The following GLIS1 variants were observed in gnomAD, a reference collection of about 807,000 sequenced individuals.
The protein encoded by GLIS1 is zinc finger protein GLIS1.
A neutral mutation model predicts 63.8 loss-of-function variants in GLIS1; 24 were observed. The observed-to-expected ratio is 0.38, with a 90% CI of 0.27 to 0.53. GLIS1 has a LOEUF of 0.53. Among genes scored for constraint, GLIS1 ranks in the 20% least tolerant of loss-of-function variants. GLIS1 has a pLI of 0.85. For synonymous variants in GLIS1, 450 were observed against 482.5 expected (o/e 0.93, Z 0.88); for missense variants, 1,036 against 1,074.1 (o/e 0.96, Z 0.50).
At chr1:53,713,905 G>C (rs974245286) in intron 2 of GLIS1, among the ~76,000 whole-genome samples, 10 of 152,250 alleles carry the variant, frequency 6.6e-5, no homozygotes, top group Admixed American at 2.0e-4. Context: ...AGCTAATCCA[G>C]AGGGTATAGA....
chr1:53,583,026 T>C (rs1207588242), intron 4 of GLIS1, among the ~76,000 whole-genome samples: 1 of 152,204 alleles, frequency 6.6e-6, no homozygotes, highest in Non-Finnish European at 1.5e-5. Flanking sequence ...TGATCAGAAA[T>C]GACCCCGTAA....
intron 2 of GLIS1, among the ~76,000 whole-genome samples, chr1:53,664,354 G>A (rs1646065167): frequency 6.6e-6 from 1 of 152,180 alleles, no homozygotes; most frequent in Admixed American, 6.5e-5. Context: ...ATGTACTGCT[G>A]ATTATTGTCC....
At chr1:53,664,247 C>T (rs1490626991) in intron 2 of GLIS1, among the ~76,000 whole-genome samples, 1 of 152,142 alleles carries the variant, frequency 6.6e-6, no homozygotes, top group African/African-American at 2.4e-5. Context: ...CCACACTGCA[C>T]CTGCTGGCCC....
At chr1:53,703,302 T>C (rs1646543802) in intron 2 of GLIS1, among the ~76,000 whole-genome samples, 1 of 152,168 alleles carries the variant, frequency 6.6e-6, no homozygotes, top group Non-Finnish European at 1.5e-5. Context: ...GACTCATACA[T>C]GGGGCACCTG....
At chr1:53,632,528 GCATGTGAATGTGACTGAGGGA>G (rs1347362191) in intron 2 of GLIS1, among the ~76,000 whole-genome samples, 2 of 149,020 alleles carry the variant, frequency 1.3e-5, no homozygotes, top group African/African-American at 5.0e-5. Context: ...TGTGTGACGG[GCATGTGAATGTGACTGAGGGA>G]CATGTGAATG....
At chr1:53,738,129 C>A in intron 1 of GLIS1, 23 bp from the exon 2 acceptor site, 1 of 1,203,652 alleles carries the variant, frequency 8.3e-7, no homozygotes, top group Non-Finnish European at 1.0e-6. Context: ...GACAGCACAG[C>A]CAGTTAGAAT....
chr1:53,557,870 T>C (rs755413627), intron 4 of GLIS1, among the ~76,000 whole-genome samples: 24 of 152,266 alleles, frequency 1.6e-4, no homozygotes, highest in Non-Finnish European at 2.9e-4. Context: ...CCATTCCATA[T>C]GCCCCTCTGA....
intron 2 of GLIS1, among the ~76,000 whole-genome samples, chr1:53,655,046 G>A (rs564636353): frequency 2.0e-5 from 3 of 152,254 alleles, no homozygotes; most frequent in South Asian, 4.1e-4. Flanking sequence ...AGCAGGTGAC[G>A]GGGCCTAGTG....
At chr1:53,731,376 G>C (rs989728246) in intron 2 of GLIS1, among the ~76,000 whole-genome samples, 1 of 152,212 alleles carries the variant, frequency 6.6e-6, no homozygotes, top group African/African-American at 2.4e-5. Flanking sequence ...CTGAGAAAGG[G>C]GTGCTCTGGG....
intron 2 of GLIS1, among the ~76,000 whole-genome samples, chr1:53,710,487 G>A (rs895186871): frequency 2.0e-5 from 3 of 152,248 alleles, no homozygotes; most frequent in Non-Finnish European, 4.4e-5. Context: ...CCAAGGTCAC[G>A]CAGTGAGAGG....
At chr1:53,585,454 G>T (rs986519364) in intron 4 of GLIS1, among the ~76,000 whole-genome samples, 4 of 151,042 alleles carry the variant, frequency 2.6e-5, no homozygotes, top group Non-Finnish European at 5.9e-5. Flanking sequence ...TTAGCCATTG[G>T]TCCACCCTGG....
rs186865687 is a variant in GLIS1, at chr1:53,697,408, A to G, written c.259+40398T>C. On this transcript the variant is annotated intron_variant, in intron 2 of 10. Transcript: ENST00000628545. ...CAGTTCCTCCCCACCGTTCTGCCTA[A>G]GGGACCTCTCTTCACCCTTCAAAGC... 2.2e-3 allele frequency among the ~76,000 whole-genome samples: 339 copies of G among 152,256 alleles called. 2 individuals carry two copies. Among genetic ancestry groups the G allele is most frequent in the Middle Eastern group, 0.014 (4 of 294 alleles).
At chr1:53,633,319 G>A (rs188543793) in intron 2 of GLIS1, among the ~76,000 whole-genome samples, 1 of 134,774 alleles carries the variant, frequency 7.4e-6, no homozygotes, top group Non-Finnish European at 1.6e-5. Context: ...GTGACTGGGG[G>A]GCGTGTGAAT....
intron 2 of GLIS1, among the ~76,000 whole-genome samples, chr1:53,648,967 T>A (rs991528577): frequency 6.6e-6 from 1 of 152,254 alleles, no homozygotes; most frequent in Non-Finnish European, 1.5e-5. Context: ...TACTTTTCTA[T>A]ATACAGTTGA....
chr1:53,525,544 C>G (rs1457431275), intron 5 of GLIS1, among the ~76,000 whole-genome samples: 1 of 140,432 alleles, frequency 7.1e-6, no homozygotes, highest in Admixed American at 7.1e-5. Context: ...TCCCCTCAGG[C>G]CCCCATGGCT....
chr1:53,628,136 T>G (rs2100230594), intron 2 of GLIS1, among the ~76,000 whole-genome samples: 1 of 103,304 alleles, frequency 9.7e-6, no homozygotes, highest in South Asian at 3.7e-4. Context: ...AGCCTTGCTG[T>G]GCCCTTGCTG....
intron 2 of GLIS1, among the ~76,000 whole-genome samples, chr1:53,607,338 A>G (rs1027573814): frequency 8.5e-5 from 13 of 152,276 alleles, no homozygotes; most frequent in African/African-American, 2.9e-4. Context: ...TGGCGTGATC[A>G]TAGTTCACTG....
chr1:53,515,077 ATATGTGTG>A (rs987483176), intron 7 of GLIS1, among the ~76,000 whole-genome samples: 5 of 76,364 alleles, frequency 6.5e-5, no homozygotes, highest in Non-Finnish European at 1.0e-4. Flanking sequence ...GTGTGTGTGT[ATATGTGTG>A]TGTGTGTGTG....
At chr1:53,578,294 G>A (rs1174963804) in intron 4 of GLIS1, among the ~76,000 whole-genome samples, 1 of 152,170 alleles carries the variant, frequency 6.6e-6, no homozygotes, top group Non-Finnish European at 1.5e-5. Context: ...TACCTCAGAG[G>A]GCTGACATAT....
Sources: gnomAD v4.1 joint callset for allele counts (sites outside exome capture counted in the v4.1 genomes callset) on GRCh38, gnomAD v4.1.1 for gene constraint, MANE v1.5 for transcripts, NCBI Gene and HGNC (gene_info 2026-07-23, HGNC 2026-07-21) for gene names.